Variants in ZNF236 observed in about 807,000 individuals in gnomAD.
ZNF236 encodes the protein regulated by glucose.
Under a neutral mutation model 191.2 loss-of-function variants are expected in ZNF236, and 50 were observed. That is an observed-to-expected ratio of 0.26 (90% CI 0.21 to 0.33). The LOEUF (loss-of-function observed/expected upper bound fraction) is 0.33. Among genes scored for constraint, ZNF236 ranks in the 10% least tolerant of loss-of-function variants. ZNF236 has a pLI of 1.00. For missense variants in ZNF236, 1,754 were observed against 2,374.5 expected, an observed-to-expected ratio of 0.74 and a Z score of 5.43; for synonymous variants, 907 against 928.8, an observed-to-expected ratio of 0.98 and a Z score of 0.43.
chr18:76,958,871 A>G (rs1968591634), intron 28 of ZNF236, among the ~76,000 whole-genome samples: 1 of 152,226 alleles, frequency 6.6e-6, no homozygotes, highest in Non-Finnish European at 1.5e-5. Context: ...CAGCTGGAAC[A>G]CAGGCGGTCA....
At chr18:76,914,770 CCTTTAT>C (rs1264873966) in intron 18 of ZNF236, among the ~76,000 whole-genome samples, 2 of 152,060 alleles carry the variant, frequency 1.3e-5, no homozygotes, top group Non-Finnish European at 2.9e-5. Context: ...GGCTACTGGA[CCTTTAT>C]CAGATGCATG....
Position 76,875,065 on chromosome 18 carries a change from G to A in ZNF236, c.668-427G>A, listed in dbSNP as rs2122621573. On this transcript the variant is annotated intron_variant, in intron 5 of 30. Transcript: ENST00000320610. The surrounding 1 kb of genome is among the most constrained non-coding windows in gnomAD (Gnocchi z 4.3). ...GGAAGCAGTGAGTCAAGCTGGGGGT[G>A]GTTTCAGGAGCTTTGAGTGATAGGG... Among the ~76,000 whole-genome samples the A allele has an allele frequency of 6.6e-6, 1 of 152,334 alleles. No homozygotes were observed. The highest frequency in any genetic ancestry group is 1.9e-4 in the East Asian group (1 of 5,180).
intron 16 of ZNF236, 118 bp downstream of exon 16, chr18:76,910,929 T>C: frequency 8.9e-7 from 1 of 1,129,418 alleles, no homozygotes; most frequent in Non-Finnish European, 1.2e-6. Context: ...TCACTTCTTG[T>C]AGCATTAAGG....
chr18:76,839,515 T>G (rs546942577), intron 1 of ZNF236, among the ~76,000 whole-genome samples: 1 of 152,342 alleles, frequency 6.6e-6, no homozygotes, highest in South Asian at 2.1e-4. Context: ...AGGACAGAAA[T>G]CATTATCTTT....
chr18:76,927,928 G>A lies in ZNF236; in HGVS notation c.4416G>A (p.Gly1472=). 3 of 1,568,720 alleles carry A rather than the reference G, an allele frequency of 1.9e-6. No individual in the cohort carries two copies. The highest frequency in any genetic ancestry group is 2.6e-6 in the Non-Finnish European group (3 of 1,158,520). ...QDSVLTTNSS[G]TQDLTQVMTS... Reference sequence around the variant, plus strand: ...GTTTTGCTTTGTAATGACAATCAGGGACCCAAGACCTCACTCAAGTGATGA... The same window carrying A: ...GTTTTGCTTTGTAATGACAATCAGGAACCCAAGACCTCACTCAAGTGATGA... The change falls in exon 25 of 31, where the codon GGG becomes GGA. Residue 1472 remains glycine, a splice_region_variant and synonymous_variant. Coordinates refer to ENST00000320610, the MANE Select transcript of ZNF236 (RefSeq NM_001306089.2). The surrounding 1 kb of genome is among the most constrained non-coding windows in gnomAD (Gnocchi z 5.4).
At chr18:76,908,235 A>G in intron 13 of ZNF236, 85 bp from the exon 14 acceptor site, 4 of 1,474,686 alleles carry the variant, frequency 2.7e-6, no homozygotes, top group Non-Finnish European at 3.7e-6. Context: ...TTATTTAATC[A>G]ATGACAACTC....
intron 3 of ZNF236, among the ~76,000 whole-genome samples, chr18:76,868,384 C>G (rs1010014791): frequency 1.3e-5 from 2 of 152,206 alleles, no homozygotes; most frequent in Non-Finnish European, 2.9e-5. Context: ...GGACCCAGTG[C>G]CATTACCCAA....
chr18:76,961,705 C>T (rs752605089), intron 30 of ZNF236, among the ~76,000 whole-genome samples: 52 of 148,902 alleles, frequency 3.5e-4, no homozygotes, highest in Non-Finnish European at 6.2e-4. Context: ...TCCCTGTTCA[C>T]CACATCCATG....
rs1490487622 is a variant in ZNF236, at chr18:76,968,309, C to G, written c.5514C>G (p.Gly1838=). The G allele has an allele frequency of 7.5e-6, 12 of 1,608,510 alleles. No individual in the cohort carries two copies. Among genetic ancestry groups the G allele is most frequent in the Admixed American group, 1.7e-5 (1 of 58,196 alleles). ...AGGAGGTGGTGCAGGAGGCCGCCGG[C>G]GAGTGGCAGGCCCTCACCCACGTCT... The part of the protein sequence containing the change: ...HLEEVVQEAA[G]EWQALTHVF The change falls in exon 31 of 31, where the codon GGC becomes GGG. Residue 1838 remains glycine, a synonymous_variant. Coordinates refer to ENST00000320610, the MANE Select transcript of ZNF236 (RefSeq NM_001306089.2).
chr18:76,946,136 G>A (rs1392072301), intron 26 of ZNF236, among the ~76,000 whole-genome samples: 1 of 152,172 alleles, frequency 6.6e-6, no homozygotes, highest in Non-Finnish European at 1.5e-5. Flanking sequence ...ATGTGTTGTG[G>A]GAGAAACCTG....
chr18:76,838,255 A>G (rs114961052), intron 1 of ZNF236, among the ~76,000 whole-genome samples: 65 of 152,316 alleles, frequency 4.3e-4, no homozygotes, highest in African/African-American at 1.5e-3. Context: ...TAGGAGAACA[A>G]CCAGTCTTTC....
chr18:76,957,126 C>T (rs1019908583), intron 28 of ZNF236, among the ~76,000 whole-genome samples: 1 of 151,846 alleles, frequency 6.6e-6, no homozygotes. Context: ...GATGGCTGGA[C>T]CCTTGGGGTT....
chr18:76,910,080 C>A lies in ZNF236; in HGVS notation c.2564C>A (p.Ala855Asp). 6.2e-7 allele frequency: 1 copy of A among 1,610,778 alleles called. No individual in the cohort carries two copies. The highest frequency in any genetic ancestry group is 8.5e-7 in the Non-Finnish European group (1 of 1,177,410). ...ATCTCATCCTCAGATGGGTTTGTGGCTCCACAGGACCCTCTGCGAGGGCAC... is the reference window on the plus strand; with the variant it reads ...ATCTCATCCTCAGATGGGTTTGTGGATCCACAGGACCCTCTGCGAGGGCAC... ...PLEADEDGFV[A>D]PQDPLRGHVD... is the part of the protein sequence containing the mutation. Residue 855 changes from alanine (A) to aspartate (D), a missense_variant, in exon 15 of 31, where the codon GCT becomes GAT. Coordinates refer to ENST00000320610, the MANE Select transcript of ZNF236 (RefSeq NM_001306089.2).
chr18:76,938,167 A>G (rs1170177037), intron 26 of ZNF236, among the ~76,000 whole-genome samples: 4 of 152,046 alleles, frequency 2.6e-5, no homozygotes, highest in African/African-American at 9.7e-5. Context: ...AGGTGGGAGG[A>G]TTGCTTGAGT....
At chr18:76,951,404 G>A (rs936968715) in intron 27 of ZNF236, among the ~76,000 whole-genome samples, 2 of 152,224 alleles carry the variant, frequency 1.3e-5, no homozygotes, top group Admixed American at 1.3e-4. Flanking sequence ...AGCAACACTT[G>A]CTGCTTCACC....
chr18:76,962,039 G>A (rs1357575680), intron 30 of ZNF236, among the ~76,000 whole-genome samples: 1 of 152,220 alleles, frequency 6.6e-6, no homozygotes, highest in East Asian at 1.9e-4. Flanking sequence ...TCTGCTGACT[G>A]TTCCTTTTGC....
Position 76,840,233 on chromosome 18 carries a change from G to A in ZNF236, c.56-9293G>A, listed in dbSNP as rs1259792607. ...AGACCGGCCGGGTGCGGTGGCTCACGCCTGTGATCCCAGCACTTTGGGAGG... is the reference window on the plus strand; with the variant it reads ...AGACCGGCCGGGTGCGGTGGCTCACACCTGTGATCCCAGCACTTTGGGAGG... On this transcript the variant is annotated intron_variant, in intron 1 of 30. Coordinates refer to ENST00000320610, the MANE Select transcript of ZNF236 (RefSeq NM_001306089.2). 2.6e-5 allele frequency among the ~76,000 whole-genome samples: 4 copies of A among 152,322 alleles called. No individual in the cohort carries two copies. The East Asian group carries it at 5.8e-4, about 22-fold the overall frequency.
At chr18:76,938,734 C>T (rs985299792) in intron 26 of ZNF236, among the ~76,000 whole-genome samples, 6 of 152,158 alleles carry the variant, frequency 3.9e-5, no homozygotes, top group African/African-American at 9.7e-5. Flanking sequence ...GCGCACCGCA[C>T]GCCAGGGTTC....
At chr18:76,922,926 AT>A in intron 20 of ZNF236, 144 bp from the exon 21 acceptor site, 1 of 628,458 alleles carries the variant, frequency 1.6e-6, no homozygotes, top group Non-Finnish European at 2.8e-6. Context: ...TGTTTATGGT[AT>A]TTTTTGTATG....
Sources: allele counts gnomAD v4.1 joint callset (sites outside exome capture counted in the v4.1 genomes callset), GRCh38; gene constraint gnomAD v4.1.1; non-coding constraint Gnocchi (gnomAD v3.1); transcripts MANE v1.5; gene names NCBI Gene and HGNC (gene_info 2026-07-23, HGNC 2026-07-21).